Variants in CTNNA3 observed in about 807,000 individuals in gnomAD.
The protein encoded by CTNNA3 is catenin alpha-3.
Under a neutral mutation model 95.7 loss-of-function variants are expected in CTNNA3, and 76 were observed. The observed-to-expected ratio is 0.79, with a 90% CI of 0.66 to 0.96. The LOEUF is 0.96. Ranked by LOEUF, CTNNA3 falls within the 40% of genes least tolerant of loss-of-function variation. The pLI is 0.00. For synonymous variants in CTNNA3, 431 were observed against 374.4 expected (o/e 1.15, Z -1.74); for missense variants, 1,191 against 1,089.8 (o/e 1.09, Z -1.31).
At chr10:66,453,096 A>G (rs1352927723) in intron 11 of CTNNA3, among the ~76,000 whole-genome samples, 1 of 152,024 alleles carries the variant, frequency 6.6e-6, no homozygotes, top group East Asian at 1.9e-4. Flanking sequence ...ATGCACCTGT[A>G]GTCCCAGCTG....
rs541555178 is a variant in CTNNA3, at chr10:67,576,983, T to C, written c.292+29874A>G. On this transcript the variant is annotated intron_variant, in intron 3 of 17. Coordinates refer to ENST00000433211, the MANE Select transcript of CTNNA3 (RefSeq NM_013266.4). ...GGACATTTGGGTTGGTTCCAAGTCT[T>C]TGCTCTTGTGAAGAGTGCCACAATA... Among the ~76,000 whole-genome samples the C allele has an allele frequency of 1.1e-4, 16 of 146,526 alleles. No individual in the cohort carries two copies. The East Asian group carries it at 3.3e-3, about 30-fold the overall frequency.
chr10:67,296,740 C>T (rs1316663251), intron 5 of CTNNA3, among the ~76,000 whole-genome samples: 1 of 151,776 alleles, frequency 6.6e-6, no homozygotes, highest in African/African-American at 2.4e-5. Flanking sequence ...TCAAGACCAG[C>T]CTGGCCAATG....
At chr10:66,789,875 T>C (rs1444512757) in intron 7 of CTNNA3, among the ~76,000 whole-genome samples, 3 of 152,088 alleles carry the variant, frequency 2.0e-5, no homozygotes, top group Non-Finnish European at 2.9e-5. Context: ...TCTATTTGAG[T>C]ATCATCCATA....
chr10:66,409,951 C>T (rs1211566629), intron 11 of CTNNA3, among the ~76,000 whole-genome samples: 1 of 152,170 alleles, frequency 6.6e-6, no homozygotes, highest in African/African-American at 2.4e-5. Context: ...TGCCCTAGAC[C>T]TTTCCCAATT....
chr10:66,729,386 T>A lies in CTNNA3; in HGVS notation c.1281+36878A>T, dbSNP rs566469938. Among the ~76,000 whole-genome samples, 5 of 152,356 alleles carry A rather than the reference T, an allele frequency of 3.3e-5. No individual in the cohort carries two copies. The East Asian group carries it at 5.8e-4, about 18-fold the overall frequency. On this transcript the variant is annotated intron_variant, in intron 9 of 17. Transcript: ENST00000433211. ...TTAGTTCAACAATTGCGGAAGACAG[T>A]GTGGCAATTCCTCAAAGATCTAGAG...
chr10:67,548,887 T>TA (rs993910572), intron 3 of CTNNA3, among the ~76,000 whole-genome samples: 44 of 151,278 alleles, frequency 2.9e-4, no homozygotes, highest in South Asian at 8.4e-4. Flanking sequence ...CAGAATCTAT[T>TA]AAAAAAAAAC....
At chr10:65,947,931 G>A (rs1342226344) in intron 17 of CTNNA3, among the ~76,000 whole-genome samples, 1 of 152,186 alleles carries the variant, frequency 6.6e-6, no homozygotes, top group African/African-American at 2.4e-5. Flanking sequence ...GTATAAGTGA[G>A]GGTCCTAAAA....
intron 2 of CTNNA3, among the ~76,000 whole-genome samples, chr10:67,640,843 CA>C (rs1383495673): frequency 6.6e-6 from 1 of 152,128 alleles, no homozygotes; most frequent in Non-Finnish European, 1.5e-5. Flanking sequence ...ACACCTTATA[CA>C]AAAATTAATT....
chr10:66,267,193 C>T (rs2091178602), intron 13 of CTNNA3, among the ~76,000 whole-genome samples: 1 of 152,044 alleles, frequency 6.6e-6, no homozygotes, highest in Non-Finnish European at 1.5e-5. Flanking sequence ...GGTCATGTTT[C>T]TTTGACATGC....
intron 13 of CTNNA3, among the ~76,000 whole-genome samples, chr10:66,104,975 T>C (rs962808926): frequency 1.3e-5 from 2 of 152,354 alleles, no homozygotes; most frequent in Admixed American, 1.3e-4. Flanking sequence ...TGGCTTCAGA[T>C]TCTTTCTCAT....
At chr10:67,300,341 G>A (rs759368855) in intron 5 of CTNNA3, among the ~76,000 whole-genome samples, 64 of 152,284 alleles carry the variant, frequency 4.2e-4, no homozygotes, top group Non-Finnish European at 7.2e-4. Context: ...ACTGGATCAG[G>A]AAACTCAGTT....
chr10:66,870,741 G>A (rs1007009266), intron 7 of CTNNA3, among the ~76,000 whole-genome samples: 7 of 152,290 alleles, frequency 4.6e-5, no homozygotes, highest in East Asian at 1.9e-4. Context: ...GGTACTAAGT[G>A]TATCAGAAGC....
intron 9 of CTNNA3, among the ~76,000 whole-genome samples, chr10:66,744,554 C>G (rs1224994469): frequency 6.6e-6 from 1 of 152,120 alleles, no homozygotes; most frequent in African/African-American, 2.4e-5. Context: ...TCACCTATTT[C>G]TAGACAGTAT....
At chr10:66,323,767 A>T (rs967150082) in intron 12 of CTNNA3, among the ~76,000 whole-genome samples, 29 of 151,932 alleles carry the variant, frequency 1.9e-4, no homozygotes, top group African/African-American at 5.8e-4. Context: ...TCTCTCCCAA[A>T]AAGTTGCCTT....
chr10:67,072,929 C>A (rs1198877141), intron 7 of CTNNA3, among the ~76,000 whole-genome samples: 1 of 111,644 alleles, frequency 9.0e-6, no homozygotes, highest in Non-Finnish European at 1.8e-5. Flanking sequence ...AGCAAACATC[C>A]CTTGGAGAAA....
At chr10:66,438,967 C>G (rs1345897952) in intron 11 of CTNNA3, among the ~76,000 whole-genome samples, 1 of 152,140 alleles carries the variant, frequency 6.6e-6, no homozygotes. Flanking sequence ...ACCCCTTACA[C>G]TTCCCGGGTG....
At chr10:66,243,364 T>C (rs1163383121) in intron 13 of CTNNA3, among the ~76,000 whole-genome samples, 1 of 152,198 alleles carries the variant, frequency 6.6e-6, no homozygotes, top group Non-Finnish European at 1.5e-5. Context: ...CTGGTACCTT[T>C]TTAAGTCTGA....
At chr10:67,752,281 T>G (rs1236888439) in intron 1 of CTNNA3, among the ~76,000 whole-genome samples, 1 of 152,204 alleles carries the variant, frequency 6.6e-6, no homozygotes, top group African/African-American at 2.4e-5. Flanking sequence ...CATCCCTTCA[T>G]GTTAACAACT....
At chr10:66,112,391 A>G (rs1254338355) in intron 13 of CTNNA3, among the ~76,000 whole-genome samples, 1 of 152,190 alleles carries the variant, frequency 6.6e-6, no homozygotes, top group Non-Finnish European at 1.5e-5. Context: ...ATCTTTTAAA[A>G]TATAATTCAA....
Sources: gnomAD v4.1 joint callset for allele counts (sites outside exome capture counted in the v4.1 genomes callset) on GRCh38, gnomAD v4.1.1 for gene constraint, MANE v1.5 for transcripts, NCBI Gene and HGNC (gene_info 2026-07-23, HGNC 2026-07-21) for gene names.